Variants in OTUD7A observed in about 807,000 individuals in gnomAD.
The protein encoded by OTUD7A is OTU domain-containing protein 7A.
A neutral mutation model predicts 65.7 loss-of-function variants in OTUD7A; 12 were observed. The observed-to-expected ratio is 0.18, with a 90% CI of 0.12 to 0.30. The LOEUF is 0.30. Ranked by LOEUF, OTUD7A falls within the 10% of genes least tolerant of loss-of-function variation. The probability of loss-of-function intolerance (pLI) is 1.00; values close to 1 mark genes in which losing one functional copy is unlikely to be tolerated. For missense variants in OTUD7A, 1,148 were observed against 1,304.8 expected, an observed-to-expected ratio of 0.88 and a Z score of 1.85; for synonymous variants, 641 against 586.3, an observed-to-expected ratio of 1.09 and a Z score of -1.35.
At chr15:31,551,445 C>T (rs1054131178) in intron 5 of OTUD7A, among the ~76,000 whole-genome samples, 1 of 152,124 alleles carries the variant, frequency 6.6e-6, no homozygotes, top group Admixed American at 6.5e-5. Flanking sequence ...TGAGGTTCTG[C>T]AAATAAGAAA....
At chr15:31,699,548 G>A (rs1050061148) in intron 1 of OTUD7A, among the ~76,000 whole-genome samples, 2 of 152,158 alleles carry the variant, frequency 1.3e-5, no homozygotes, top group African/African-American at 4.8e-5. Context: ...GTGACCAGAA[G>A]GCTGCAAAAA....
intron 1 of OTUD7A, among the ~76,000 whole-genome samples, chr15:31,785,789 T>C (rs180865861): frequency 1.3e-5 from 2 of 152,358 alleles, no homozygotes. Flanking sequence ...AAACATACTT[T>C]GCCTCAGTTT....
At chr15:31,551,086 C>T (rs765643232) in intron 5 of OTUD7A, among the ~76,000 whole-genome samples, 3 of 151,970 alleles carry the variant, frequency 2.0e-5, no homozygotes, top group Non-Finnish European at 2.9e-5. Flanking sequence ...TTGATGTAAG[C>T]CAGCTTCTAG....
chr15:31,869,921 G>T (rs1312911179), intron 1 of OTUD7A, among the ~76,000 whole-genome samples: 5 of 152,178 alleles, frequency 3.3e-5, no homozygotes, highest in African/African-American at 1.2e-4. Context: ...AGGCCTCTGG[G>T]TTCACAGCCA....
At chr15:31,856,970 G>A (rs1897591110) in intron 1 of OTUD7A, among the ~76,000 whole-genome samples, 1 of 152,196 alleles carries the variant, frequency 6.6e-6, no homozygotes, top group Non-Finnish European at 1.5e-5. Flanking sequence ...TTCTCTAATA[G>A]TTGACGGCCG....
At chr15:31,616,165 G>A (rs1301190856) in intron 3 of OTUD7A, among the ~76,000 whole-genome samples, 1 of 152,232 alleles carries the variant, frequency 6.6e-6, no homozygotes, top group Non-Finnish European at 1.5e-5. Context: ...TTTTGTTTCA[G>A]TGTCATGCTT....
chr15:31,673,151 A>G (rs1035164026), intron 1 of OTUD7A, among the ~76,000 whole-genome samples: 4 of 152,264 alleles, frequency 2.6e-5, no homozygotes, highest in African/African-American at 7.2e-5. Flanking sequence ...TAAAGCTGAA[A>G]TAAGTCGAAC....
At chr15:31,843,485 A>C (rs1239680991) in intron 1 of OTUD7A, among the ~76,000 whole-genome samples, 1 of 152,170 alleles carries the variant, frequency 6.6e-6, no homozygotes, top group Non-Finnish European at 1.5e-5. Context: ...ATCATTTTGA[A>C]ATGACAATCT....
At chr15:31,722,329 G>T (rs1175536961) in intron 1 of OTUD7A, among the ~76,000 whole-genome samples, 1 of 151,948 alleles carries the variant, frequency 6.6e-6, no homozygotes, top group East Asian at 1.9e-4. Flanking sequence ...AGCTGTCCAG[G>T]TCTACACAGG....
chr15:31,839,950 A>T (rs1050673457), intron 1 of OTUD7A, among the ~76,000 whole-genome samples: 1 of 4,194 alleles, frequency 2.4e-4, no homozygotes, highest in East Asian at 7.8e-3. Context: ...TACTTTAAAA[A>T]AACTTTTTTT....
chr15:31,514,151 T>C (rs1350492484), intron 8 of OTUD7A, among the ~76,000 whole-genome samples: 1 of 149,352 alleles, frequency 6.7e-6, no homozygotes. Flanking sequence ...ACTCCTGGGG[T>C]CAAGTGAGCC....
At chr15:31,756,877 G>A (rs750174401) in intron 1 of OTUD7A, among the ~76,000 whole-genome samples, 18 of 152,216 alleles carry the variant, frequency 1.2e-4, no homozygotes, top group Admixed American at 3.3e-4. Context: ...GGAACAGTAC[G>A]CACAAGAAAG....
At chr15:31,602,830 C>A (rs1890121865) in intron 3 of OTUD7A, among the ~76,000 whole-genome samples, 1 of 152,050 alleles carries the variant, frequency 6.6e-6, no homozygotes, top group Non-Finnish European at 1.5e-5. Context: ...CATGAGTGAA[C>A]TCCCATTCAC....
intron 3 of OTUD7A, among the ~76,000 whole-genome samples, chr15:31,653,259 A>AG (rs1460156442): frequency 6.6e-6 from 1 of 151,870 alleles, no homozygotes; most frequent in Non-Finnish European, 1.5e-5. Flanking sequence ...TGTCACCAAA[A>AG]AAAAAAAAGA....
intron 1 of OTUD7A, among the ~76,000 whole-genome samples, chr15:31,784,095 C>T (rs370596044): frequency 2.0e-5 from 3 of 152,114 alleles, no homozygotes; most frequent in Non-Finnish European, 4.4e-5. Context: ...ATTTTCCAAG[C>T]GATCAGTGTA....
intron 1 of OTUD7A, among the ~76,000 whole-genome samples, chr15:31,844,285 T>G (rs1897251253): frequency 6.6e-6 from 1 of 152,182 alleles, no homozygotes; most frequent in Admixed American, 6.5e-5. Context: ...GGCAGGTGGA[T>G]CATGAGGTCA....
intron 1 of OTUD7A, among the ~76,000 whole-genome samples, chr15:31,753,828 C>T (rs1360619186): frequency 2.5e-4 from 37 of 150,516 alleles, no homozygotes; most frequent in Non-Finnish European, 5.9e-5. Flanking sequence ...GCTATAAACA[C>T]ACATGTGCAG....
chr15:31,569,868 G>A (rs568422682), intron 4 of OTUD7A, 150 bp downstream of exon 4: 26 of 767,084 alleles, frequency 3.4e-5, no homozygotes, highest in South Asian at 9.5e-5. Context: ...AGGACATTTC[G>A]GCATAGTGTG....
intron 1 of OTUD7A, among the ~76,000 whole-genome samples, chr15:31,687,617 G>GTA (rs1892868986): frequency 6.6e-6 from 1 of 152,204 alleles, no homozygotes; most frequent in Admixed American, 6.5e-5. Flanking sequence ...CCTGGCTGTT[G>GTA]TATGACAGAG....
Sources: gnomAD v4.1 joint callset for allele counts (sites outside exome capture counted in the v4.1 genomes callset) on GRCh38, gnomAD v4.1.1 for gene constraint, MANE v1.5 for transcripts, NCBI Gene and HGNC (gene_info 2026-07-23, HGNC 2026-07-21) for gene names.